The following WSB1 variants were observed in gnomAD, a reference collection of about 807,000 sequenced individuals.
The protein encoded by WSB1 is WD repeat and SOCS box containing 1.
Under a neutral mutation model 50.2 loss-of-function variants are expected in WSB1, and 23 were observed. The ratio of observed to expected loss-of-function variants is 0.46; its 90% CI spans 0.33 to 0.65. WSB1 has a LOEUF of 0.65. WSB1 is among the 30% of genes least tolerant of loss of function. The pLI is 0.02. For synonymous variants in WSB1, 179 were observed against 172.0 expected, an observed-to-expected ratio of 1.04 and a Z score of -0.32; for missense variants, 492 against 522.3, an observed-to-expected ratio of 0.94 and a Z score of 0.56.
intron 1 of WSB1, among the ~76,000 whole-genome samples, chr17:27,297,566 C>G (rs2017031835): frequency 6.6e-6 from 1 of 151,946 alleles, no homozygotes; most frequent in African/African-American, 2.4e-5. Flanking sequence ...CTCCTGGGCT[C>G]AAGCAATTCT....
In WSB1 at chr17:27,296,250, T is replaced by C. The variant is rs550159866; in HGVS notation, c.40+1815T>C. Among the ~76,000 whole-genome samples, 22 of 152,100 alleles carry C rather than the reference T, an allele frequency of 1.4e-4. No individual in the cohort carries two copies. The East Asian group carries it at 4.0e-3, about 28-fold the overall frequency. On this transcript the variant is annotated intron_variant, in intron 1 of 8. Coordinates refer to ENST00000262394, the MANE Select transcript of WSB1 (RefSeq NM_015626.10). ...GATTTCTCTTTTCTTTTCTTTCTTTTTTTTTTTCATATTTAGGTCTCAGTG... is the reference window on the plus strand; with the variant it reads ...GATTTCTCTTTTCTTTTCTTTCTTTCTTTTTTTCATATTTAGGTCTCAGTG...
In WSB1 at chr17:27,306,944, A is replaced by C. The variant is rs762177676; in HGVS notation, c.711+62A>C. ...GGATTATGATAATGTGTGCATAATC[A>C]TTTTAAATCTAAGTAACCTATGAAG... On this transcript the variant is annotated intron_variant, in intron 5 of 8. Transcript: ENST00000262394. 12 of 1,502,432 alleles carry C rather than the reference A, an allele frequency of 8.0e-6. No individual in the cohort carries two copies. In the South Asian group the frequency reaches 1.3e-4, roughly 16 times the overall value. 93.1% of individuals were successfully genotyped at this position (1,502,432 alleles called of 1,614,324 possible). A position where few individuals can be genotyped will look rare whatever the true frequency, so the allele number is the denominator to read the frequency against.
intron 1 of WSB1, among the ~76,000 whole-genome samples, chr17:27,295,595 GAAAAA>G (rs11368438): frequency 3.3e-5 from 5 of 149,914 alleles, no homozygotes; most frequent in Non-Finnish European, 5.9e-5. Flanking sequence ...ACAGAAAAAA[GAAAAA>G]AAAAGATGCA....
At chr17:27,304,747 C>T in intron 3 of WSB1, 33 bp from the exon 4 acceptor site, 1 of 1,599,182 alleles carries the variant, frequency 6.3e-7, no homozygotes, top group Non-Finnish European at 8.5e-7. Context: ...TATATTAATA[C>T]TGTCTTTTTT....
intron 5 of WSB1, chr17:27,307,984 C>T (rs1198213512): frequency 8.0e-7 from 1 of 1,245,538 alleles, no homozygotes; most frequent in South Asian, 3.4e-5. Context: ...AGTAATTTCC[C>T]CCACAGTAAA....
intron 1 of WSB1, among the ~76,000 whole-genome samples, chr17:27,301,226 A>C (rs1161784804): frequency 6.6e-6 from 1 of 152,148 alleles, no homozygotes; most frequent in Non-Finnish European, 1.5e-5. Flanking sequence ...ACAACCTGTA[A>C]GTCTCTTCTA....
chr17:27,296,791 A>G (rs1305581126), intron 1 of WSB1, among the ~76,000 whole-genome samples: 2 of 152,248 alleles, frequency 1.3e-5, no homozygotes, highest in Non-Finnish European at 1.5e-5. Flanking sequence ...AGGTCATTAA[A>G]TCATACATTT....
rs1428462425 is a variant in WSB1 at position 27,315,090 on chromosome 17, T to A, written c.*2721T>A. On this transcript the variant is annotated 3_prime_UTR_variant, in exon 9 of 9. Transcript: ENST00000262394. ...GCAGCGTATATGTCAAGTAGAAACA[T>A]GTTTGAATTTTCCATTTGTCTGTGG... 7.4e-6 allele frequency: 1 copy of A among 134,248 alleles called. No individual in the cohort carries two copies. Among genetic ancestry groups the A allele is most frequent in the Non-Finnish European group, 1.5e-5 (1 of 66,222 alleles). 8.3% of individuals were successfully genotyped at this position (134,248 alleles called of 1,614,324 possible).
chr17:27,298,126 GAAAAAAAA>G (rs35222722), intron 1 of WSB1, among the ~76,000 whole-genome samples: 12 of 74,220 alleles, frequency 1.6e-4, no homozygotes, highest in East Asian at 4.4e-4. Context: ...CTCCGTCTCA[GAAAAAAAA>G]AAAAAAAAAA....
chr17:27,304,631 G>T (rs1376441907), intron 3 of WSB1, 149 bp from the exon 4 acceptor site: 6 of 500,538 alleles, frequency 1.2e-5, no homozygotes, highest in Non-Finnish European at 1.9e-5. Context: ...GGGATTGCTT[G>T]AACCCAGGAG....
rs559696937 is a variant in WSB1, at chr17:27,308,698, C to T, written c.712-402C>T. The T allele has an allele frequency of 1.3e-5, 13 of 986,836 alleles. No individual in the cohort carries two copies. In the East Asian group the frequency reaches 1.0e-3, roughly 77 times the overall value. 61.1% of individuals were successfully genotyped at this position (986,836 alleles called of 1,614,324 possible). A position where few individuals can be genotyped will look rare whatever the true frequency, so the allele number is the denominator to read the frequency against. On this transcript the variant is annotated intron_variant, in intron 5 of 8. Transcript: ENST00000262394. ...AATTTGTTAACCTTACGTTTTCTGT[C>T]TGTATATTTTTTTAAAAATCTGGTA...
At chr17:27,297,136 A>G (rs2017010823) in intron 1 of WSB1, 1 of 151,746 alleles carries the variant, frequency 6.6e-6, no homozygotes, top group Admixed American at 6.6e-5. Flanking sequence ...ATTTGAACCA[A>G]TTTTTTAGTA....
chr17:27,298,260 C>T (rs1350023072), intron 1 of WSB1, among the ~76,000 whole-genome samples: 4 of 151,538 alleles, frequency 2.6e-5, no homozygotes, highest in African/African-American at 9.7e-5. Context: ...TCCTCGTATA[C>T]AAGTTACATA....
chr17:27,303,231 C>G, intron 2 of WSB1, 136 bp from the exon 3 acceptor site: 1 of 975,730 alleles, frequency 1.0e-6, no homozygotes, highest in Non-Finnish European at 1.5e-6. Context: ...CCCTTCCTAT[C>G]TATAGGATTC....
In WSB1 at chr17:27,306,790, A is replaced by G; in HGVS notation, c.619A>G (p.Met207Val). ...TATTTCTTTTTGTTCAGGAAACATG[A>G]TGAAAGTATTGAGGGGGCATCAGAA... ...VWDLKDDGNM[M>V]KVLRGHQNWV... is the part of the protein sequence containing the mutation. The change falls in exon 5 of 9, where the codon ATG (methionine) becomes GTG (valine). Residue 207 changes from methionine (M) to valine (V), a missense_variant. Coordinates refer to ENST00000262394, the MANE Select transcript of WSB1 (RefSeq NM_015626.10). The G allele has an allele frequency of 1.2e-6, 2 of 1,614,116 alleles. No homozygotes were observed. The highest frequency in any genetic ancestry group is 1.1e-5 in the South Asian group (1 of 91,060).
At chr17:27,300,374 G>A (rs1163318932) in intron 1 of WSB1, among the ~76,000 whole-genome samples, 1 of 152,120 alleles carries the variant, frequency 6.6e-6, no homozygotes, top group African/African-American at 2.4e-5. Context: ...ACCCAAAATA[G>A]GTGATACACT....
chr17:27,301,723 T>G lies in WSB1; in HGVS notation c.41-65T>G, dbSNP rs745749331. 6 of 1,547,614 alleles carry G rather than the reference T, an allele frequency of 3.9e-6. No individual in the cohort carries two copies. The East Asian group carries it at 1.4e-4, about 35-fold the overall frequency. ...GAAGAAACTCAATCCCAAAGTAATA[T>G]GGAAGCAGTCTCACATGTATTGTTG... On this transcript the variant is annotated intron_variant, in intron 1 of 8. Coordinates refer to ENST00000262394, the MANE Select transcript of WSB1 (RefSeq NM_015626.10).
At position 27,312,235 on chromosome 17, in the gene WSB1, T is replaced by G. The variant is rs965617270; in HGVS notation, c.1132T>G (p.Trp378Gly). 17 of 1,612,474 alleles carry G rather than the reference T, an allele frequency of 1.1e-5. No homozygotes were observed. The highest frequency in any genetic ancestry group is 1.3e-5 in the Non-Finnish European group (15 of 1,179,716). ...GACACATGACGGAAGTGTGTATTTT[T>G]GGGCCACTCCACGGCAGGTCCCTAG... The part of the protein sequence containing the change: ...AGTHDGSVYF[W>G]ATPRQVPSLQ... Residue 378 changes from tryptophan (W) to glycine (G), a missense_variant, in exon 9 of 9, where the codon TGG becomes GGG. Trp to Gly is a radical substitution (Grantham distance 184). Coordinates refer to ENST00000262394, the MANE Select transcript of WSB1 (RefSeq NM_015626.10).
At chr17:27,301,379 A>G (rs753563475) in intron 1 of WSB1, among the ~76,000 whole-genome samples, 3 of 152,212 alleles carry the variant, frequency 2.0e-5, no homozygotes, top group Non-Finnish European at 4.4e-5. Flanking sequence ...GAAAGCTAAG[A>G]AACTTAATTT....
Sources: gnomAD v4.1 joint callset for allele counts (sites outside exome capture counted in the v4.1 genomes callset) on GRCh38, gnomAD v4.1.1 for gene constraint, MANE v1.5 for transcripts, NCBI Gene and HGNC (gene_info 2026-07-23, HGNC 2026-07-21) for gene names.